The following NXPH1 variants were observed in gnomAD, a reference collection of about 807,000 sequenced individuals.
NXPH1 encodes the protein neurexophilin 1.
NXPH1 carries 5 observed loss-of-function variants against 23.7 expected under a neutral mutation model. The observed-to-expected ratio is 0.21, with a 90% CI of 0.11 to 0.44. The LOEUF is 0.44. Among genes scored for constraint, NXPH1 ranks in the 20% least tolerant of loss-of-function variants. The pLI, the probability that NXPH1 is intolerant of heterozygous loss-of-function variation, is 0.99. For missense variants in NXPH1, 324 were observed against 321.6 expected (o/e 1.01, Z -0.06); for synonymous variants, 144 against 122.2 (o/e 1.18, Z -1.18).
intron 2 of NXPH1, among the ~76,000 whole-genome samples, chr7:8,438,433 T>C (rs1057085154): frequency 2.0e-5 from 3 of 152,222 alleles, no homozygotes; most frequent in Non-Finnish European, 2.9e-5. Context: ...TGAACTGACA[T>C]AAGCCAGGGA....
intron 2 of NXPH1, among the ~76,000 whole-genome samples, chr7:8,699,435 A>T (rs1338443267): frequency 3.0e-5 from 2 of 66,880 alleles, no homozygotes; most frequent in East Asian, 6.1e-4. Flanking sequence ...GTTTTATCTC[A>T]TCAAGTACCA....
chr7:8,480,208 A>C (rs1016155240), intron 2 of NXPH1, among the ~76,000 whole-genome samples: 1 of 152,104 alleles, frequency 6.6e-6, no homozygotes, highest in Admixed American at 6.6e-5. Flanking sequence ...TCATTAAACT[A>C]TACATATATT....
chr7:8,700,722 T>C (rs1349087600), intron 2 of NXPH1, among the ~76,000 whole-genome samples: 1 of 152,090 alleles, frequency 6.6e-6, no homozygotes, highest in Non-Finnish European at 1.5e-5. Flanking sequence ...CTGAAGTCCA[T>C]AGCTGTACAC....
intron 2 of NXPH1, among the ~76,000 whole-genome samples, chr7:8,458,593 T>A (rs568083517): frequency 1.4e-3 from 208 of 152,328 alleles, no homozygotes; most frequent in Non-Finnish European, 2.5e-3. Flanking sequence ...AATCCCAGAC[T>A]TCGACTTTAT....
At chr7:8,637,992 ACTC>A (rs1278441449) in intron 2 of NXPH1, among the ~76,000 whole-genome samples, 1 of 152,138 alleles carries the variant, frequency 6.6e-6, no homozygotes, top group Admixed American at 6.5e-5. Context: ...AATAAAACAA[ACTC>A]CTCCAAAAAT....
intron 2 of NXPH1, among the ~76,000 whole-genome samples, chr7:8,638,480 GATATT>G (rs1820253978): frequency 6.6e-6 from 1 of 152,152 alleles, no homozygotes; most frequent in Non-Finnish European, 1.5e-5. Context: ...AATTGTGTAA[GATATT>G]ATATTAAAAA....
chr7:8,744,892 T>G (rs2115230737), intron 2 of NXPH1, among the ~76,000 whole-genome samples: 1 of 152,336 alleles, frequency 6.6e-6, no homozygotes, highest in African/African-American at 2.4e-5. Flanking sequence ...TCAGGTTCAC[T>G]TCTTTTTCAA....
chr7:8,650,030 G>GGTTT (rs939544161), intron 2 of NXPH1, among the ~76,000 whole-genome samples: 3 of 72,176 alleles, frequency 4.2e-5, no homozygotes, highest in Non-Finnish European at 9.5e-5. Flanking sequence ...TCTACTTGGA[G>GGTTT]GTCTGTATCA....
chr7:8,710,163 G>A (rs187912364), intron 2 of NXPH1, among the ~76,000 whole-genome samples: 1 of 152,274 alleles, frequency 6.6e-6, no homozygotes, highest in East Asian at 1.9e-4. Flanking sequence ...TTGTGACTTC[G>A]TGGGGGTGTT....
chr7:8,598,618 A>G (rs751405528), intron 2 of NXPH1, among the ~76,000 whole-genome samples: 17 of 152,118 alleles, frequency 1.1e-4, no homozygotes, highest in Non-Finnish European at 7.4e-5. Flanking sequence ...GGGAAAAGAA[A>G]CCTTTTTTAT....
At chr7:8,515,985 G>GTGCA (rs1467619022) in intron 2 of NXPH1, among the ~76,000 whole-genome samples, 1 of 152,026 alleles carries the variant, frequency 6.6e-6, no homozygotes, top group Non-Finnish European at 1.5e-5. Context: ...CCTATCTGGT[G>GTGCA]TGCATGCACC....
chr7:8,565,970 A>G (rs1020810239), intron 2 of NXPH1, among the ~76,000 whole-genome samples: 1 of 151,808 alleles, frequency 6.6e-6, no homozygotes, highest in Non-Finnish European at 1.5e-5. Flanking sequence ...GTGTGTCTTA[A>G]AGTGCTGACA....
intron 2 of NXPH1, among the ~76,000 whole-genome samples, chr7:8,713,923 G>T (rs1395413592): frequency 2.6e-5 from 4 of 152,152 alleles, no homozygotes; most frequent in Non-Finnish European, 4.4e-5. Context: ...CCTGAAGCCA[G>T]CACAGCACTG....
At chr7:8,645,766 C>T (rs1184296529) in intron 2 of NXPH1, among the ~76,000 whole-genome samples, 2 of 151,968 alleles carry the variant, frequency 1.3e-5, no homozygotes, top group Admixed American at 6.6e-5. Flanking sequence ...GAGTACATTA[C>T]GATGTAGTAA....
intron 2 of NXPH1, among the ~76,000 whole-genome samples, chr7:8,731,219 G>A (rs1780147756): frequency 6.6e-6 from 1 of 151,926 alleles, no homozygotes; most frequent in Non-Finnish European, 1.5e-5. Flanking sequence ...TCTCTGTATT[G>A]ATTATTCTAG....
chr7:8,728,492 T>C (rs1485353559), intron 2 of NXPH1, among the ~76,000 whole-genome samples: 1 of 152,236 alleles, frequency 6.6e-6, no homozygotes, highest in Non-Finnish European at 1.5e-5. Context: ...AGATAGCTTT[T>C]ATTATTTTGA....
At chr7:8,561,322 T>C (rs1818440311) in intron 2 of NXPH1, among the ~76,000 whole-genome samples, 1 of 145,438 alleles carries the variant, frequency 6.9e-6, no homozygotes, top group Non-Finnish European at 1.5e-5. Context: ...CTTGTAACAC[T>C]CAGTTTTGGA....
At chr7:8,571,416 G>C (rs1156575774) in intron 2 of NXPH1, among the ~76,000 whole-genome samples, 2 of 151,742 alleles carry the variant, frequency 1.3e-5, no homozygotes, top group Non-Finnish European at 2.9e-5. Context: ...CACAGGAAAA[G>C]GGGAAATTTG....
chr7:8,647,164 A>G (rs1820410512), intron 2 of NXPH1, among the ~76,000 whole-genome samples: 1 of 152,216 alleles, frequency 6.6e-6, no homozygotes, highest in African/African-American at 2.4e-5. Context: ...AGTCAGAGCC[A>G]AGTGTGGAGA....
Sources: allele counts gnomAD v4.1 joint callset (sites outside exome capture counted in the v4.1 genomes callset), GRCh38; gene constraint gnomAD v4.1.1; transcripts MANE v1.5; gene names NCBI Gene and HGNC (gene_info 2026-07-23, HGNC 2026-07-21).